Variants in GABRA1 observed in about 807,000 individuals in gnomAD.
GABRA1 encodes gamma-aminobutyric acid type A receptor subunit alpha1.
GABRA1 carries 9 observed loss-of-function variants against 48.9 expected under a neutral mutation model. The observed-to-expected ratio is 0.18, with a 90% CI of 0.11 to 0.32. GABRA1 has a LOEUF of 0.32. Among genes scored for constraint, GABRA1 ranks in the 10% least tolerant of loss-of-function variants. GABRA1 has a pLI of 1.00. For synonymous variants in GABRA1, 210 were observed against 198.7 expected (o/e 1.06, Z -0.48); for missense variants, 285 against 553.8 (o/e 0.51, Z 4.87).
chr5:161,854,835 C>T (rs1264744562), intron 3 of GABRA1, among the ~76,000 whole-genome samples: 3 of 151,364 alleles, frequency 2.0e-5, no homozygotes, highest in Non-Finnish European at 3.0e-5. Context: ...ATCAATTACT[C>T]GGTTATATTG....
intron 8 of GABRA1, among the ~76,000 whole-genome samples, chr5:161,893,482 G>GCC (rs1755212481): frequency 6.6e-6 from 1 of 151,712 alleles, no homozygotes; most frequent in Admixed American, 6.6e-5. Flanking sequence ...AAGCCTAAAA[G>GCC]GATCATGTAG....
At chr5:161,895,998 A>T in intron 9 of GABRA1, 130 bp downstream of exon 9, 1 of 802,654 alleles carries the variant, frequency 1.2e-6, no homozygotes, top group Middle Eastern at 3.4e-4. Context: ...CTTATGTCGT[A>T]AACAATTAAG....
chr5:161,865,601 C>T (rs1178952954), intron 3 of GABRA1, 120 bp from the exon 4 acceptor site: 1 of 834,270 alleles, frequency 1.2e-6, no homozygotes, highest in Non-Finnish European at 2.1e-6. Context: ...CACAGTGGAC[C>T]AATTTTAGAA....
intron 7 of GABRA1, among the ~76,000 whole-genome samples, chr5:161,884,781 G>C (rs1354261753): frequency 6.6e-6 from 1 of 152,170 alleles, no homozygotes; most frequent in Non-Finnish European, 1.5e-5. Flanking sequence ...AGGTTGCTTA[G>C]AGGAGGGAAT....
At chr5:161,887,842 T>C (rs1344765174) in intron 7 of GABRA1, among the ~76,000 whole-genome samples, 12 of 152,130 alleles carry the variant, frequency 7.9e-5, no homozygotes, top group Admixed American at 7.9e-4. Context: ...ACTCAGATTA[T>C]GTAATTTTAT....
At chr5:161,855,712 GA>G (rs1757620553) in intron 3 of GABRA1, among the ~76,000 whole-genome samples, 1 of 151,282 alleles carries the variant, frequency 6.6e-6, no homozygotes, top group Non-Finnish European at 1.5e-5. Context: ...TGTATGAAAA[GA>G]AGAAATAGCC....
intron 7 of GABRA1, among the ~76,000 whole-genome samples, chr5:161,884,128 A>G (rs1006466574): frequency 1.3e-5 from 2 of 152,108 alleles, no homozygotes; most frequent in Non-Finnish European, 2.9e-5. Flanking sequence ...AGTGTTATAT[A>G]ATAGGTACTC....
At chr5:161,859,600 C>T (rs746725745) in intron 3 of GABRA1, among the ~76,000 whole-genome samples, 3 of 151,768 alleles carry the variant, frequency 2.0e-5, no homozygotes, top group Non-Finnish European at 4.4e-5. Flanking sequence ...TAAAATTCAA[C>T]TTTGAGCTGT....
In GABRA1 at chr5:161,893,671, C is replaced by T. The variant is rs545686402; in HGVS notation, c.857-1995C>T. 4.6e-5 allele frequency among the ~76,000 whole-genome samples: 7 copies of T among 152,284 alleles called. No individual in the cohort carries two copies. The East Asian group carries it at 1.2e-3, about 25-fold the overall frequency. ...GAGGCAGTGTGGTCACTTAATTTTGCTGCCAAATACATCCAAGTTTGAGAT... is the reference window on the plus strand; with the variant it reads ...GAGGCAGTGTGGTCACTTAATTTTGTTGCCAAATACATCCAAGTTTGAGAT... On this transcript the variant is annotated intron_variant, in intron 8 of 9. Coordinates refer to ENST00000393943, the MANE Select transcript of GABRA1 (RefSeq NM_001127644.2).
chr5:161,860,609 T>C (rs141950629), intron 3 of GABRA1, among the ~76,000 whole-genome samples: 2 of 151,460 alleles, frequency 1.3e-5, no homozygotes, highest in African/African-American at 4.8e-5. Flanking sequence ...ACAATGTAAC[T>C]GGACATTTTA....
intron 6 of GABRA1, chr5:161,881,910 A>T (rs1365544813): frequency 6.5e-6 from 1 of 152,752 alleles, no homozygotes; most frequent in East Asian, 1.9e-4. Context: ...AAGAAAAAAA[A>T]AAAAGAAGAA....
At chr5:161,847,785 A>G (rs1161270312), upstream of GABRA1, 1 of 152,170 alleles carries the variant, frequency 6.6e-6, no homozygotes, top group Non-Finnish European at 1.5e-5. Flanking sequence ...ATTTGATCAA[A>G]GGTAGAATAG....
At chr5:161,852,172 G>C (rs543958535) in intron 2 of GABRA1, among the ~76,000 whole-genome samples, 1 of 152,024 alleles carries the variant, frequency 6.6e-6, no homozygotes, top group East Asian at 1.9e-4. Flanking sequence ...AACTGGTCTT[G>C]GGGAAAAGGC....
At chr5:161,858,736 T>TC (rs1757744459) in intron 3 of GABRA1, among the ~76,000 whole-genome samples, 1 of 151,756 alleles carries the variant, frequency 6.6e-6, no homozygotes, top group East Asian at 1.9e-4. Context: ...AGGAATGAGG[T>TC]CTTGAGTCAC....
At position 161,891,010 on chromosome 5, in the gene GABRA1, C is replaced by T. The variant is rs1755063498; in HGVS notation, c.816C>T (p.Phe272=). ...IMTVILSQVS[F]WLNRESVPAR... ...CAGTGATTCTCTCACAAGTCTCCTT[C>T]TGGCTCAACAGAGAGTCTGTACCAG... is the stretch of plus-strand genomic sequence containing the variant. Residue 272 remains phenylalanine (F), a synonymous_variant, in exon 8 of 10, where the codon TTC becomes TTT. Transcript: ENST00000393943. 1 of 1,613,786 alleles carries T rather than the reference C, an allele frequency of 6.2e-7. No homozygotes were observed. Among genetic ancestry groups the T allele is most frequent in the African/African-American group, 1.3e-5 (1 of 74,926 alleles).
chr5:161,861,081 A>G (rs1581185512), intron 3 of GABRA1, among the ~76,000 whole-genome samples: 1 of 151,914 alleles, frequency 6.6e-6, no homozygotes, highest in East Asian at 1.9e-4. Context: ...AACTTAAGAG[A>G]AAGCAAGGCC....
rs76224028 is a variant in GABRA1 at position 161,854,179 on chromosome 5, A to G, written c.96A>G (p.Gln32=). 2,920 of 1,603,334 alleles carry G rather than the reference A, an allele frequency of 1.8e-3. 41 individuals carry two copies. The African/African-American group carries it at 0.033, about 18-fold the overall frequency. The change falls in exon 3 of 10, where the codon CAA becomes CAG. Residue 32 remains glutamine (Q), a synonymous_variant. Coordinates refer to ENST00000393943, the MANE Select transcript of GABRA1 (RefSeq NM_001127644.2). The stretch of plus-strand genomic sequence containing the variant: ...TCAGCTATGGACAGCCGTCATTACA[A>G]GATGAACTTAAAGACAATACCACTG... ...TGRSYGQPSL[Q]DELKDNTTVF... is the part of the protein sequence containing the mutation.
chr5:161,857,101 A>C lies in GABRA1; in HGVS notation c.187+2831A>C, dbSNP rs535396127. Among the ~76,000 whole-genome samples the C allele has an allele frequency of 4.0e-5, 6 of 151,424 alleles. No homozygotes were observed. The East Asian group carries it at 9.7e-4, about 24-fold the overall frequency. ...ATGAAAAGACTATGTAAAGGAAATA[A>C]GTGAGATTATCATTAGCTTCTAAGG... On this transcript the variant is annotated intron_variant, in intron 3 of 9. Coordinates refer to ENST00000393943, the MANE Select transcript of GABRA1 (RefSeq NM_001127644.2).
Position 161,898,852 on chromosome 5 carries a change from G to T in GABRA1, c.*1430G>T, listed in dbSNP as rs982466510. Reference sequence around the variant, plus strand: ...AGCATTAAATATAAAATACATAAAAGAATGTACAGAAAATAGCTTTTATTG... The same window carrying T: ...AGCATTAAATATAAAATACATAAAATAATGTACAGAAAATAGCTTTTATTG... On this transcript the variant is annotated 3_prime_UTR_variant, in exon 10 of 10. Transcript: ENST00000393943. 6.6e-6 allele frequency: 1 copy of T among 152,400 alleles called. No individual in the cohort carries two copies. Among genetic ancestry groups the T allele is most frequent in the East Asian group, 1.9e-4 (1 of 5,196 alleles). The allele number at this position is 152,400 out of a possible 1,614,324, so 9.4% of individuals were successfully genotyped here.
Sources: allele counts gnomAD v4.1 joint callset (sites outside exome capture counted in the v4.1 genomes callset), GRCh38; gene constraint gnomAD v4.1.1; transcripts MANE v1.5; gene names NCBI Gene and HGNC (gene_info 2026-07-23, HGNC 2026-07-21).